GOLM2: variants seen among roughly 807,000 people sequenced by gnomAD.
GOLM2 encodes the protein protein GOLM2.
In GOLM2, 26 loss-of-function variants were observed where a neutral mutation model predicts 55.9. The ratio of observed to expected loss-of-function variants is 0.47; its 90% CI spans 0.34 to 0.65. The LOEUF (loss-of-function observed/expected upper bound fraction) is 0.65. GOLM2 is among the 30% of genes least tolerant of loss of function. The pLI is 0.01. For synonymous variants in GOLM2, 165 were observed against 194.6 expected, an observed-to-expected ratio of 0.85 and a Z score of 1.27; for missense variants, 486 against 531.8, an observed-to-expected ratio of 0.91 and a Z score of 0.85.
intron 1 of GOLM2, among the ~76,000 whole-genome samples, chr15:44,312,236 A>G (rs2078879741): frequency 4.6e-5 from 7 of 152,080 alleles, no homozygotes; most frequent in Admixed American, 4.6e-4. Flanking sequence ...ATATAACCAG[A>G]TTTGCAGGAA....
chr15:44,315,067 G>A (rs773988578), intron 1 of GOLM2, among the ~76,000 whole-genome samples: 1 of 152,166 alleles, frequency 6.6e-6, no homozygotes, highest in African/African-American at 2.4e-5. Context: ...AATCACGTAA[G>A]ATTTTTAAAA....
At chr15:44,402,340 C>A (rs1290863652) in intron 8 of GOLM2, among the ~76,000 whole-genome samples, 1 of 151,698 alleles carries the variant, frequency 6.6e-6, no homozygotes, top group African/African-American at 2.4e-5. Flanking sequence ...CCAAAATGCA[C>A]ACCACCATAC....
intron 3 of GOLM2, 133 bp downstream of exon 3, chr15:44,328,920 T>C (rs1276593244): frequency 1.8e-6 from 1 of 547,162 alleles, no homozygotes; most frequent in East Asian, 3.2e-5. Context: ...CCTTTTAAAT[T>C]CCTTTTCTAT....
chr15:44,392,350 C>T (rs1396271414), intron 8 of GOLM2, among the ~76,000 whole-genome samples: 2 of 151,904 alleles, frequency 1.3e-5, no homozygotes, highest in East Asian at 1.9e-4. Flanking sequence ...AGGCCAGGCA[C>T]GTAGCTCACG....
chr15:44,415,133 T>C lies in GOLM2; in HGVS notation c.*1727T>C, dbSNP rs2079665204. On this transcript the variant is annotated 3_prime_UTR_variant, in exon 10 of 10. Transcript: ENST00000299957. ...GGTGCAAAAATTCTTAAGACTTCTG[T>C]TTGAAATTGCTCAATGACTAGGAAA... 1 of 152,560 alleles carries C rather than the reference T, an allele frequency of 6.6e-6. No individual in the cohort carries two copies. The highest frequency in any genetic ancestry group is 2.4e-5 in the African/African-American group (1 of 41,450). The allele number at this position is 152,560 out of a possible 1,614,324, so 9.5% of individuals were successfully genotyped here. A position where few individuals can be genotyped will look rare whatever the true frequency, so the allele number is the denominator to read the frequency against.
chr15:44,393,017 A>T (rs2079501919), intron 8 of GOLM2, among the ~76,000 whole-genome samples: 1 of 152,198 alleles, frequency 6.6e-6, no homozygotes, highest in Non-Finnish European at 1.5e-5. Context: ...TTCACTGTAG[A>T]TTCTAATCAA....
intron 6 of GOLM2, among the ~76,000 whole-genome samples, chr15:44,363,289 G>A (rs1396280123): frequency 2.0e-5 from 3 of 151,836 alleles, no homozygotes; most frequent in East Asian, 1.9e-4. Flanking sequence ...TTTGCAACCT[G>A]CTCATCTGAC....
chr15:44,330,068 G>A (rs1368108141), intron 3 of GOLM2, among the ~76,000 whole-genome samples: 12 of 150,708 alleles, frequency 8.0e-5, no homozygotes, highest in African/African-American at 1.2e-4. Flanking sequence ...CCGCCACCAC[G>A]CCCGGCTAAT....
chr15:44,319,000 C>A (rs2078931119), intron 1 of GOLM2, among the ~76,000 whole-genome samples: 1 of 152,140 alleles, frequency 6.6e-6, no homozygotes, highest in Non-Finnish European at 1.5e-5. Flanking sequence ...CTGGTTCCTG[C>A]AGGACTCATA....
intron 6 of GOLM2, among the ~76,000 whole-genome samples, chr15:44,361,770 T>C (rs1030308950): frequency 2.6e-5 from 4 of 152,170 alleles, no homozygotes; most frequent in Admixed American, 2.0e-4. Flanking sequence ...CCAATATCCT[T>C]GCTGAACATC....
intron 9 of GOLM2, among the ~76,000 whole-genome samples, chr15:44,413,061 T>C (rs1260647778): frequency 2.6e-5 from 4 of 152,136 alleles, no homozygotes; most frequent in African/African-American, 9.7e-5. Flanking sequence ...ATTTGTGCGT[T>C]CCTAAAGTTT....
chr15:44,338,061 T>C (rs1160505835), intron 5 of GOLM2, among the ~76,000 whole-genome samples, 154 bp downstream of exon 5: 1 of 152,214 alleles, frequency 6.6e-6, no homozygotes, highest in Non-Finnish European at 1.5e-5. Context: ...GATTGTTTGA[T>C]AGAAGAGAAA....
intron 1 of GOLM2, among the ~76,000 whole-genome samples, chr15:44,291,941 A>C (rs2078723592): frequency 6.6e-6 from 1 of 152,178 alleles, no homozygotes; most frequent in African/African-American, 2.4e-5. Flanking sequence ...GAAATCCATT[A>C]ATAAAGAAGG....
chr15:44,382,483 T>C (rs1364933958), intron 8 of GOLM2, among the ~76,000 whole-genome samples: 1 of 151,858 alleles, frequency 6.6e-6, no homozygotes, highest in African/African-American at 2.4e-5. Flanking sequence ...CACATCACCA[T>C]GCCTGGCTAA....
At chr15:44,384,361 T>A (rs1254129637) in intron 8 of GOLM2, among the ~76,000 whole-genome samples, 1 of 151,872 alleles carries the variant, frequency 6.6e-6, no homozygotes, top group East Asian at 1.9e-4. Flanking sequence ...GCCTGTAATC[T>A]CAGTACTTTG....
At chr15:44,338,350 G>A in intron 6 of GOLM2, 33 bp downstream of exon 6, 1 of 1,503,466 alleles carries the variant, frequency 6.7e-7, no homozygotes. Context: ...TTCGACTAAA[G>A]TGATGATAAT....
intron 4 of GOLM2, among the ~76,000 whole-genome samples, chr15:44,334,813 T>C (rs971166027): frequency 6.6e-6 from 1 of 152,120 alleles, no homozygotes; most frequent in Non-Finnish European, 1.5e-5. Context: ...GGGTGGATCA[T>C]GAGGTCAGGA....
At chr15:44,361,216 A>G (rs1006114562) in intron 6 of GOLM2, among the ~76,000 whole-genome samples, 21 of 152,264 alleles carry the variant, frequency 1.4e-4, no homozygotes, top group African/African-American at 5.1e-4. Flanking sequence ...AGCAGAACTG[A>G]AGGAAAAAGA....
At chr15:44,405,632 T>A (rs181074638) in intron 9 of GOLM2, among the ~76,000 whole-genome samples, 611 of 152,220 alleles carry the variant, frequency 4.0e-3, no homozygotes, top group Non-Finnish European at 5.5e-3. Context: ...TTTGCTTTTT[T>A]TTTTGAGACG....
Sources: allele counts gnomAD v4.1 joint callset (sites outside exome capture counted in the v4.1 genomes callset), GRCh38; gene constraint gnomAD v4.1.1; transcripts MANE v1.5; gene names NCBI Gene and HGNC (gene_info 2026-07-23, HGNC 2026-07-21).